Variants in SYNE1 observed in about 807,000 individuals in gnomAD.
The protein encoded by SYNE1 is nesprin-1.
A neutral mutation model predicts 1,111.0 loss-of-function variants in SYNE1; 616 were observed. The observed-to-expected ratio is 0.55, with a 90% CI of 0.52 to 0.59. The LOEUF is 0.59. SYNE1 is among the 20% of genes least tolerant of loss of function. The probability of loss-of-function intolerance (pLI) is 0.00; values close to 1 mark genes in which losing one functional copy is unlikely to be tolerated. For missense variants in SYNE1, 10,006 were observed against 10,417.0 expected (o/e 0.96, Z 1.72); for synonymous variants, 3,855 against 3,825.8 (o/e 1.01, Z -0.28).
At chr6:152,523,195 T>G (rs1241532537) in intron 5 of SYNE1, among the ~76,000 whole-genome samples, 3 of 152,108 alleles carry the variant, frequency 2.0e-5, no homozygotes, top group African/African-American at 7.2e-5. Flanking sequence ...AGGTCTTAGA[T>G]TTAAGTATTT....
intron 91 of SYNE1, among the ~76,000 whole-genome samples, chr6:152,307,921 A>C (rs1323825468): frequency 1.3e-5 from 2 of 152,170 alleles, no homozygotes; most frequent in Non-Finnish European, 2.9e-5. Flanking sequence ...CAACCTCTGC[A>C]TCCTGGGTTC....
At chr6:152,402,641 G>C (rs2097839898) in intron 46 of SYNE1, 1 of 152,200 alleles carries the variant, frequency 6.6e-6, no homozygotes, top group East Asian at 1.9e-4. Context: ...TCTTCAGGTG[G>C]CACTGCCGGA....
rs1414119892 is a variant in SYNE1 at position 152,353,353 on chromosome 6, A to T, written c.11163T>A (p.Tyr3721Ter). ...TCTTGAAGTTTTTATGAGTAGAGCC[A>T]TACCAATCAGAATAGGAACTGAGGG... ...ESSLSSYSDW[Y>*]GSTHKNFKNV... is the part of the protein sequence containing the mutation. Residue 3721 changes from tyrosine to a stop codon, truncating the protein, a stop_gained, in exon 69 of 146, where the codon TAT (tyrosine) becomes TAA (stop). Coordinates refer to ENST00000367255, the MANE Select transcript of SYNE1 (RefSeq NM_182961.4). LOFTEE classifies it high-confidence loss of function. 6.2e-7 allele frequency: 1 copy of T among 1,614,240 alleles called. No homozygotes were observed. The highest frequency in any genetic ancestry group is 1.1e-5 in the South Asian group (1 of 91,088).
In SYNE1 at chr6:152,534,568, T is replaced by C. The variant is rs187908869; in HGVS notation, c.129+5392A>G. Among the ~76,000 whole-genome samples the C allele has an allele frequency of 5.3e-5, 8 of 152,320 alleles. No homozygotes were observed. The East Asian group carries it at 1.5e-3, about 29-fold the overall frequency. ...TGTGAAATGATTAAATCAAGCTAAT[T>C]AACATATCCATCATCTCACCTACTT... On this transcript the variant is annotated intron_variant, in intron 4 of 145. Coordinates refer to ENST00000367255, the MANE Select transcript of SYNE1 (RefSeq NM_182961.4).
In SYNE1 at chr6:152,430,228, T is replaced by C. The variant is rs983460695; in HGVS notation, c.4690-18A>G. On this transcript the variant is annotated intron_variant, in intron 35 of 145. Coordinates refer to ENST00000367255, the MANE Select transcript of SYNE1 (RefSeq NM_182961.4). ...TGCTGGATCTAAAACATTGGTGCAA[T>C]ATAAAAATAACAGTGGGAAAGATAC... 7.0e-6 allele frequency: 11 copies of C among 1,574,926 alleles called. No homozygotes were observed. The highest frequency in any genetic ancestry group is 5.4e-5 in the African/African-American group (4 of 73,904).
In SYNE1 at chr6:152,636,659, G is replaced by A. The variant is rs1275274523; in HGVS notation, c.-245C>T. 6.6e-6 allele frequency: 1 copy of A among 152,560 alleles called. No individual in the cohort carries two copies. The highest frequency in any genetic ancestry group is 1.5e-5 in the Non-Finnish European group (1 of 68,120). The allele number at this position is 152,560 out of a possible 1,614,324, so 9.5% of individuals were successfully genotyped here. ...TTACCTTCTCTCTCGGCCTCGTTCA[G>A]TTTCCCAGCAGCAAGGCGAAGCGAG... On this transcript the variant is annotated 5_prime_UTR_variant, in exon 2 of 146. Coordinates refer to ENST00000367255, the MANE Select transcript of SYNE1 (RefSeq NM_182961.4).
chr6:152,474,182 C>T, intron 14 of SYNE1, among the ~76,000 whole-genome samples: 1 of 110,948 alleles, frequency 9.0e-6, no homozygotes, highest in Non-Finnish European at 1.7e-5. Flanking sequence ...AAGACTCTGT[C>T]TCAAAAAAAA....
At chr6:152,245,250 A>T (rs1438450594) in intron 105 of SYNE1, among the ~76,000 whole-genome samples, 4 of 152,224 alleles carry the variant, frequency 2.6e-5, no homozygotes, top group African/African-American at 9.6e-5. Flanking sequence ...TCCTTCAAGG[A>T]GCTGATGGTC....
chr6:152,333,374 CAAG>C (rs1415805414), intron 77 of SYNE1, among the ~76,000 whole-genome samples: 2 of 152,020 alleles, frequency 1.3e-5, no homozygotes, highest in African/African-American at 2.4e-5. Context: ...CATATAGGTT[CAAG>C]AAGGATTCAT....
chr6:152,160,702 T>C (rs1222494760), intron 131 of SYNE1, among the ~76,000 whole-genome samples: 1 of 152,168 alleles, frequency 6.6e-6, no homozygotes, highest in East Asian at 1.9e-4. Flanking sequence ...AGTGGCAGGG[T>C]ATAAAATTCT....
chr6:152,585,348 C>T (rs192830792), intron 3 of SYNE1, among the ~76,000 whole-genome samples: 6 of 152,288 alleles, frequency 3.9e-5, no homozygotes, highest in African/African-American at 1.4e-4. Flanking sequence ...AAAAATGTTG[C>T]AATTAACAAC....
chr6:152,608,342 A>G (rs1456576867), intron 3 of SYNE1, among the ~76,000 whole-genome samples: 1 of 152,198 alleles, frequency 6.6e-6, no homozygotes, highest in Non-Finnish European at 1.5e-5. Flanking sequence ...GATACTGGCT[A>G]TGGCCTCAAT....
chr6:152,544,479 G>T (rs183433033), intron 3 of SYNE1, among the ~76,000 whole-genome samples: 2 of 152,014 alleles, frequency 1.3e-5, no homozygotes, highest in East Asian at 3.9e-4. Flanking sequence ...GGAGTCAGCT[G>T]AGGCTATATA....
At chr6:152,294,770 T>C (rs2094787572) in intron 93 of SYNE1, among the ~76,000 whole-genome samples, 1 of 152,184 alleles carries the variant, frequency 6.6e-6, no homozygotes, top group Non-Finnish European at 1.5e-5. Flanking sequence ...TTCAAATTTT[T>C]TAAACCTATT....
intron 32 of SYNE1, among the ~76,000 whole-genome samples, chr6:152,438,838 GA>G (rs1312072478): frequency 6.6e-6 from 1 of 152,188 alleles, no homozygotes; most frequent in Non-Finnish European, 1.5e-5. Flanking sequence ...GGAGAACAAT[GA>G]TTCTAGATTG....
intron 3 of SYNE1, among the ~76,000 whole-genome samples, chr6:152,596,646 A>G (rs1263706815): frequency 6.6e-6 from 1 of 152,210 alleles, no homozygotes; most frequent in Non-Finnish European, 1.5e-5. Context: ...TTCACTGCTA[A>G]CTTTCAAGGT....
intron 44 of SYNE1, 113 bp downstream of exon 44, chr6:152,408,955 C>CAAAAAAAAAA: frequency 1.1e-6 from 1 of 888,016 alleles, no homozygotes; most frequent in Non-Finnish European, 1.6e-6. Flanking sequence ...ACTCTGTCTC[C>CAAAAAAAAAA]AAAAAAAAAA....
intron 93 of SYNE1, among the ~76,000 whole-genome samples, chr6:152,298,630 C>T (rs2095012360): frequency 6.6e-6 from 1 of 151,768 alleles, no homozygotes; most frequent in South Asian, 2.1e-4. Context: ...AACAGCTGTA[C>T]ACATTCTGTG....
At chr6:152,552,757 G>A (rs2099351660) in intron 3 of SYNE1, among the ~76,000 whole-genome samples, 1 of 152,178 alleles carries the variant, frequency 6.6e-6, no homozygotes, top group Admixed American at 6.5e-5. Flanking sequence ...CCTGCACTCA[G>A]TGGTTAATCC....
Sources: gnomAD v4.1 joint callset for allele counts (sites outside exome capture counted in the v4.1 genomes callset) on GRCh38, gnomAD v4.1.1 for gene constraint, MANE v1.5 for transcripts, NCBI Gene and HGNC (gene_info 2026-07-23, HGNC 2026-07-21) for gene names.